DYSF: variants seen among roughly 807,000 people sequenced by gnomAD.
DYSF encodes dystrophy-associated fer-1-like 1.
DYSF carries 212 observed loss-of-function variants against 274.9 expected under a neutral mutation model. The ratio of observed to expected loss-of-function variants is 0.77; its 90% CI spans 0.69 to 0.86. DYSF has a LOEUF of 0.86. DYSF is among the 40% of genes least tolerant of loss of function. The pLI is 0.00. For synonymous variants in DYSF, 1,091 were observed against 1,078.7 expected (o/e 1.01, Z -0.22); for missense variants, 2,666 against 2,783.2 (o/e 0.96, Z 0.95).
chr2:71,506,613 T>C (rs1268256276), intron 4 of DYSF, among the ~76,000 whole-genome samples: 1 of 151,834 alleles, frequency 6.6e-6, no homozygotes, highest in African/African-American at 2.4e-5. Context: ...GGCTCACATA[T>C]ATCCCCCAGG....
intron 32 of DYSF, among the ~76,000 whole-genome samples, chr2:71,591,949 G>A (rs976770682): frequency 6.6e-5 from 10 of 152,246 alleles, no homozygotes; most frequent in Admixed American, 1.3e-4. Context: ...GCAGCAACCC[G>A]CCAGAATTTA....
chr2:71,528,001 G>A (rs2088162967), intron 13 of DYSF, among the ~76,000 whole-genome samples: 1 of 152,236 alleles, frequency 6.6e-6, no homozygotes, highest in Non-Finnish European at 1.5e-5. Flanking sequence ...ACTGCCCTTA[G>A]TGATGTAGAT....
chr2:71,519,380 G>A (rs902252007), intron 10 of DYSF, among the ~76,000 whole-genome samples: 3 of 151,990 alleles, frequency 2.0e-5, no homozygotes, highest in Non-Finnish European at 2.9e-5. Context: ...AATTATAAAA[G>A]TAATCTATGA....
Position 71,568,022 on chromosome 2 carries a change from A to G in DYSF, c.2637A>G (p.Ser879=). 6.2e-7 allele frequency: 1 copy of G among 1,613,864 alleles called. No homozygotes were observed. Among genetic ancestry groups the G allele is most frequent in the Non-Finnish European group, 8.5e-7 (1 of 1,179,950 alleles). The change falls in exon 25 of 56, where the codon TCA becomes TCG. Residue 879 remains serine (S), a synonymous_variant. Coordinates refer to ENST00000410020, the MANE Select transcript of DYSF (RefSeq NM_001130987.2). ...GGGTCAAGCTGTGGTTTGGGCTCTCAGTGGATGAGAAGGAGTTCAACCAGT... is the reference window on the plus strand; with the variant it reads ...GGGTCAAGCTGTGGTTTGGGCTCTCGGTGGATGAGAAGGAGTTCAACCAGT... ...QIRVKLWFGL[S]VDEKEFNQFA... is the part of the protein sequence containing the mutation.
intron 1 of DYSF, among the ~76,000 whole-genome samples, chr2:71,460,007 G>T (rs1337800447): frequency 2.0e-5 from 3 of 151,928 alleles, no homozygotes; most frequent in South Asian, 4.1e-4. Flanking sequence ...GAGTAGCCTG[G>T]GGTCCCGAGG....
At chr2:71,681,890 G>A (rs1029524720) in intron 54 of DYSF, among the ~76,000 whole-genome samples, 1 of 152,232 alleles carries the variant, frequency 6.6e-6, no homozygotes, top group Non-Finnish European at 1.5e-5. Flanking sequence ...AGCAGTGAGA[G>A]GCACCCTTGC....
At chr2:71,553,714 C>A in intron 20 of DYSF, 93 bp from the exon 21 acceptor site, 4 of 1,174,540 alleles carry the variant, frequency 3.4e-6, no homozygotes, top group Non-Finnish European at 4.9e-6. Flanking sequence ...CCAGTCCTAG[C>A]CCTGGAGTGC....
At chr2:71,640,252 T>C (rs897758462) in intron 41 of DYSF, among the ~76,000 whole-genome samples, 6 of 152,252 alleles carry the variant, frequency 3.9e-5, no homozygotes, top group Non-Finnish European at 8.8e-5. Context: ...TCAAACACAA[T>C]GCTGACTATT....
intron 43 of DYSF, 68 bp from the exon 44 acceptor site, chr2:71,658,810 G>A: frequency 6.3e-7 from 1 of 1,596,104 alleles, no homozygotes; most frequent in Non-Finnish European, 8.6e-7. Flanking sequence ...TGAGATTTGG[G>A]TGGGGACACA....
intron 40 of DYSF, among the ~76,000 whole-genome samples, chr2:71,613,915 C>G (rs1247751567): frequency 1.3e-5 from 2 of 152,148 alleles, no homozygotes; most frequent in African/African-American, 4.8e-5. Flanking sequence ...CGCCCCATTC[C>G]TCCATCTGCA....
At chr2:71,632,530 C>T (rs1372078117) in intron 41 of DYSF, among the ~76,000 whole-genome samples, 1 of 152,134 alleles carries the variant, frequency 6.6e-6, no homozygotes, top group African/African-American at 2.4e-5. Flanking sequence ...AATAGTTTTT[C>T]TCTTAAGTAG....
At chr2:71,579,000 C>A (rs897961508) in intron 30 of DYSF, among the ~76,000 whole-genome samples, 6 of 152,130 alleles carry the variant, frequency 3.9e-5, no homozygotes, top group African/African-American at 1.4e-4. Context: ...CCAAAGACAC[C>A]GGGTTTCATA....
intron 24 of DYSF, among the ~76,000 whole-genome samples, chr2:71,564,652 C>A (rs893158784): frequency 6.6e-6 from 1 of 152,206 alleles, no homozygotes; most frequent in African/African-American, 2.4e-5. Flanking sequence ...TCAAGTCCTC[C>A]CTGCTGGGAA....
intron 10 of DYSF, among the ~76,000 whole-genome samples, chr2:71,517,842 A>T (rs2086821166): frequency 6.6e-6 from 1 of 152,238 alleles, no homozygotes; most frequent in African/African-American, 2.4e-5. Context: ...CAAGTTTTCT[A>T]AGGTAAGTGT....
At chr2:71,640,653 C>A (rs994794060) in intron 41 of DYSF, among the ~76,000 whole-genome samples, 3 of 152,150 alleles carry the variant, frequency 2.0e-5, no homozygotes, top group African/African-American at 7.2e-5. Flanking sequence ...AATAACCCAG[C>A]TTGACCACGC....
chr2:71,503,175 T>C, intron 3 of DYSF, 39 bp from the exon 4 acceptor site: 1 of 1,588,148 alleles, frequency 6.3e-7, no homozygotes, highest in Non-Finnish European at 8.6e-7. Flanking sequence ...CAGGGTGCCT[T>C]AGGCTAGTTT....
intron 14 of DYSF, among the ~76,000 whole-genome samples, chr2:71,530,573 G>C (rs984389435): frequency 2.6e-5 from 4 of 152,174 alleles, no homozygotes; most frequent in Admixed American, 6.5e-5. Flanking sequence ...CTGGGCTCAT[G>C]CAAGAAGCTG....
At position 71,639,837 on chromosome 2, in the gene DYSF, C is replaced by T. The variant is rs72904613; in HGVS notation, c.4528-4128C>T. Among the ~76,000 whole-genome samples, 460 of 152,268 alleles carry T rather than the reference C, an allele frequency of 3.0e-3. 3 individuals carry two copies. Among genetic ancestry groups the T allele is most frequent in the African/African-American group, 0.01 (428 of 41,536 alleles). ...GGAATGATTGTGGCCATCCGTGCCC[C>T]ACCAGCAGTTTGTAGGAGATTAGCT... On this transcript the variant is annotated intron_variant, in intron 41 of 55. Transcript: ENST00000410020.
intron 10 of DYSF, among the ~76,000 whole-genome samples, chr2:71,519,811 G>GTTTTTTTTTTTTTTTTTT (rs70959241): frequency 8.8e-5 from 9 of 102,278 alleles, no homozygotes; most frequent in Non-Finnish European, 1.3e-4. Context: ...CACCCGGCTA[G>GTTTTTTTTTTTTTTTTTT]TTTTTTTTTT....
Sources: gnomAD v4.1 joint callset for allele counts (sites outside exome capture counted in the v4.1 genomes callset) on GRCh38, gnomAD v4.1.1 for gene constraint, MANE v1.5 for transcripts, NCBI Gene and HGNC (gene_info 2026-07-23, HGNC 2026-07-21) for gene names.